Variants in DPP9 observed in about 807,000 individuals in gnomAD.
The protein encoded by DPP9 is dipeptidyl peptidase IV-related protein-2.
A neutral mutation model predicts 110.7 loss-of-function variants in DPP9; 50 were observed. The ratio of observed to expected loss-of-function variants is 0.45; its 90% CI spans 0.36 to 0.57. DPP9 has a LOEUF of 0.57. Among genes scored for constraint, DPP9 ranks in the 20% least tolerant of loss-of-function variants. The pLI, the probability that DPP9 is intolerant of heterozygous loss-of-function variation, is 0.00. For synonymous variants in DPP9, 561 were observed against 514.4 expected (o/e 1.09, Z -1.23); for missense variants, 1,022 against 1,217.9 (o/e 0.84, Z 2.39).
intron 21 of DPP9, chr19:4,679,518 G>A (rs1358685968): frequency 2.7e-6 from 1 of 368,564 alleles, no homozygotes; most frequent in Non-Finnish European, 5.1e-6. Context: ...TTCAAATAAA[G>A]CCCGTCTGCG....
chr19:4,706,283 G>T (rs925375422), intron 4 of DPP9, among the ~76,000 whole-genome samples: 17 of 147,358 alleles, frequency 1.2e-4, no homozygotes, highest in African/African-American at 4.4e-4. Context: ...GACTGCCTGA[G>T]CCCAGGAGTT....
chr19:4,707,087 C>T (rs1012833400), intron 4 of DPP9, among the ~76,000 whole-genome samples: 3 of 152,168 alleles, frequency 2.0e-5, no homozygotes, highest in African/African-American at 7.2e-5. Flanking sequence ...TAGAAAATGA[C>T]GGTAGTGAGA....
intron 8 of DPP9, 87 bp downstream of exon 8, chr19:4,702,516 A>C: frequency 9.7e-7 from 1 of 1,026,626 alleles, no homozygotes; most frequent in South Asian, 1.5e-5. Flanking sequence ...TTTGAGGTGA[A>C]AGGAGTAAGG....
rs561752833 is a variant in DPP9, at chr19:4,700,030, G to A, written c.1074+186C>T. On this transcript the variant is annotated intron_variant, in intron 10 of 21. Coordinates refer to ENST00000262960, the MANE Select transcript of DPP9 (RefSeq NM_139159.5). This position sits in a 1 kb window ranked among gnomAD's most constrained non-coding sequence, Gnocchi z 4.3. ...GGCAGGGAGGCCAGCTCGCCACGCC[G>A]CATTCTAGGCACAGGTCCAGAGACA... Among the ~76,000 whole-genome samples the A allele has an allele frequency of 6.6e-6, 1 of 152,300 alleles. No individual in the cohort carries two copies. The highest frequency in any genetic ancestry group is 2.4e-5 in the African/African-American group (1 of 41,562).
Position 4,697,600 on chromosome 19 carries a change from G to T in DPP9, c.1126C>A (p.Pro376Thr). The T allele has an allele frequency of 6.2e-7, 1 of 1,613,904 alleles. No homozygotes were observed. The highest frequency in any genetic ancestry group is 8.5e-7 in the Non-Finnish European group (1 of 1,179,860). The change falls in exon 11 of 22, where the codon CCG becomes ACG. Residue 376 changes from proline to threonine, a missense_variant. Transcript: ENST00000262960. ...ELVQPFSSLFPKVEYIARAGW... is the reference protein window; with the variant it reads ...ELVQPFSSLFTKVEYIARAGW... ...GCCCTGGCGATGTACTCCACCTTCGGGAACAGCGAGCTGAAGGGCTGCACC... is the reference window on the plus strand; with the variant it reads ...GCCCTGGCGATGTACTCCACCTTCGTGAACAGCGAGCTGAAGGGCTGCACC...
At position 4,693,101 on chromosome 19, in the gene DPP9, T is replaced by A. The variant is rs2091472707; in HGVS notation, c.1516+1560A>T. Among the ~76,000 whole-genome samples the A allele has an allele frequency of 6.6e-6, 1 of 152,076 alleles. No individual in the cohort carries two copies. Among genetic ancestry groups the A allele is most frequent in the South Asian group, 2.1e-4 (1 of 4,836 alleles). ...TGCCCCCAGAGGGCACCGGACCACA[T>A]CTAGGGACATCTGTGGTTGTCACAA... On this transcript the variant is annotated intron_variant, in intron 13 of 21. Transcript: ENST00000262960. The surrounding 1 kb of genome is among the most constrained non-coding windows in gnomAD (Gnocchi z 5.0).
Position 4,696,652 on chromosome 19 carries a change from G to C in DPP9, c.1175+899C>G, listed in dbSNP as rs2091826391. Among the ~76,000 whole-genome samples, 3 of 152,012 alleles carry C rather than the reference G, an allele frequency of 2.0e-5. No individual in the cohort carries two copies. The South Asian group carries it at 6.2e-4, about 32-fold the overall frequency. Reference sequence around the variant, plus strand: ...CACGTGCCTGTACTCGGGAGGCTGAGGCAGGAGAATTGCTTGAACCTGGGA... The same window carrying C: ...CACGTGCCTGTACTCGGGAGGCTGACGCAGGAGAATTGCTTGAACCTGGGA... On this transcript the variant is annotated intron_variant, in intron 11 of 21. Transcript: ENST00000262960.
At chr19:4,691,594 G>A (rs967640520) in intron 13 of DPP9, among the ~76,000 whole-genome samples, 1 of 152,036 alleles carries the variant, frequency 6.6e-6, no homozygotes, top group Non-Finnish European at 1.5e-5. Context: ...GCACGGGAAG[G>A]GGGGCGGGGA....
chr19:4,683,310 G>A (rs1269545201), intron 19 of DPP9, 167 bp downstream of exon 19: 3 of 1,446,124 alleles, frequency 2.1e-6, no homozygotes, highest in Non-Finnish European at 2.7e-6. Flanking sequence ...AGGGGGGCTC[G>A]GCCCCGTGGG....
At chr19:4,719,535 C>G (rs1421080903) in intron 3 of DPP9, 1 of 430,080 alleles carries the variant, frequency 2.3e-6, no homozygotes, top group Non-Finnish European at 4.3e-6. Context: ...CATCTGGAGA[C>G]ATCTGTGGTT....
At position 4,684,466 on chromosome 19, in the gene DPP9, C is replaced by A; in HGVS notation, c.2178+197G>T. The A allele has an allele frequency of 1.6e-6, 1 of 630,466 alleles. No homozygotes were observed. The highest frequency in any genetic ancestry group is 2.7e-6 in the Non-Finnish European group (1 of 367,592). The allele number at this position is 630,466 out of a possible 1,614,324, so 39.1% of individuals were successfully genotyped here. On this transcript the variant is annotated intron_variant, in intron 18 of 21. Transcript: ENST00000262960. The surrounding 1 kb of genome is among the most constrained non-coding windows in gnomAD (Gnocchi z 4.8). Reference sequence around the variant, plus strand: ...ACAACTTGTCTCTGTCCCTGCAGGGCGCAGCCCAGAGCTGAGCAGCAAAGC... The same window carrying A: ...ACAACTTGTCTCTGTCCCTGCAGGGAGCAGCCCAGAGCTGAGCAGCAAAGC...
rs972837935 is a variant in DPP9, at chr19:4,713,783, G to A, written c.313+298C>T. Among the ~76,000 whole-genome samples the A allele has an allele frequency of 5.9e-5, 9 of 152,260 alleles. No individual in the cohort carries two copies. The East Asian group carries it at 1.4e-3, about 23-fold the overall frequency. ...CTGACTAGCACTGGAAACAATCTCC[G>A]GGCTTGGAGCCACAGGGCCGGCTTG... is the stretch of plus-strand genomic sequence containing the variant. On this transcript the variant is annotated intron_variant, in intron 4 of 21. Coordinates refer to ENST00000262960, the MANE Select transcript of DPP9 (RefSeq NM_139159.5).
At position 4,684,469 on chromosome 19, in the gene DPP9, A is replaced by C; in HGVS notation, c.2178+194T>G. 1 of 636,146 alleles carries C rather than the reference A, an allele frequency of 1.6e-6. No individual in the cohort carries two copies. The highest frequency in any genetic ancestry group is 3.0e-5 in the Admixed American group (1 of 33,362). The allele number at this position is 636,146 out of a possible 1,614,324, so 39.4% of individuals were successfully genotyped here. On this transcript the variant is annotated intron_variant, in intron 18 of 21. Transcript: ENST00000262960. The surrounding 1 kb of genome is among the most constrained non-coding windows in gnomAD (Gnocchi z 4.8). The stretch of plus-strand genomic sequence containing the variant: ...ACTTGTCTCTGTCCCTGCAGGGCGC[A>C]GCCCAGAGCTGAGCAGCAAAGCATA...
intron 8 of DPP9, 129 bp from the exon 9 acceptor site, chr19:4,702,284 T>C: frequency 7.8e-7 from 1 of 1,288,294 alleles, no homozygotes; most frequent in African/African-American, 1.5e-5. Context: ...GAACCCCGGC[T>C]CTGCCATTCG....
intron 18 of DPP9, 53 bp from the exon 19 acceptor site, chr19:4,683,682 C>T: frequency 6.2e-7 from 1 of 1,612,848 alleles, no homozygotes; most frequent in Non-Finnish European, 8.5e-7. Context: ...TATGTCCCTC[C>T]CCTGCAGTGA....
In DPP9 at chr19:4,684,480, G is replaced by A; in HGVS notation, c.2178+183C>T. On this transcript the variant is annotated intron_variant, in intron 18 of 21. Coordinates refer to ENST00000262960, the MANE Select transcript of DPP9 (RefSeq NM_139159.5). This position sits in a 1 kb window ranked among gnomAD's most constrained non-coding sequence, Gnocchi z 4.8. ...TCCCTGCAGGGCGCAGCCCAGAGCTGAGCAGCAAAGCATACATCCCCTTTT... is the reference window on the plus strand; with the variant it reads ...TCCCTGCAGGGCGCAGCCCAGAGCTAAGCAGCAAAGCATACATCCCCTTTT... The A allele has an allele frequency of 3.0e-6, 2 of 675,274 alleles. No individual in the cohort carries two copies. The highest frequency in any genetic ancestry group is 2.7e-5 in the East Asian group (1 of 36,464). The allele number at this position is 675,274 out of a possible 1,614,324, so 41.8% of individuals were successfully genotyped here. A position where few individuals can be genotyped will look rare whatever the true frequency, so the allele number is the denominator to read the frequency against.
At chr19:4,717,096 C>G (rs1262592293) in intron 3 of DPP9, among the ~76,000 whole-genome samples, 2 of 152,176 alleles carry the variant, frequency 1.3e-5, no homozygotes, top group Non-Finnish European at 1.5e-5. Context: ...AAAGAAATGA[C>G]AGGGGAAAAT....
At position 4,676,615 on chromosome 19, in the gene DPP9, C is replaced by T. The variant is rs547336480; in HGVS notation, c.2628G>A (p.Ser876=). Residue 876 remains serine (S), a synonymous_variant, in exon 22 of 22, where the codon TCG becomes TCA. Coordinates refer to ENST00000262960, the MANE Select transcript of DPP9 (RefSeq NM_139159.5). The surrounding 1 kb of genome is among the most constrained non-coding windows in gnomAD (Gnocchi z 4.0). ...GCAACGTGACTTCATAGTGCTCGCC[C>T]GACTCGGGGCAGCGAATACTGTGTC... The part of the protein sequence containing the change: ...NERHSIRCPE[S]GEHYEVTLLH... The T allele has an allele frequency of 2.5e-6, 4 of 1,609,076 alleles. No homozygotes were observed. In the South Asian group the frequency reaches 4.4e-5, roughly 18 times the overall value.
intron 21 of DPP9, 186 bp downstream of exon 21, chr19:4,679,649 C>G: frequency 1.7e-6 from 1 of 595,258 alleles, no homozygotes; most frequent in Non-Finnish European, 3.0e-6. Context: ...CAAGACAGGA[C>G]TGATACATCA....
Sources: allele counts gnomAD v4.1 joint callset (sites outside exome capture counted in the v4.1 genomes callset), GRCh38; gene constraint gnomAD v4.1.1; non-coding constraint Gnocchi (gnomAD v3.1); transcripts MANE v1.5; gene names NCBI Gene and HGNC (gene_info 2026-07-23, HGNC 2026-07-21).